Variants in LRP1B observed in about 807,000 individuals in gnomAD.
The protein encoded by LRP1B is low-density lipoprotein receptor-related protein 1B.
LRP1B carries 217 observed loss-of-function variants against 556.6 expected under a neutral mutation model. That is an observed-to-expected ratio of 0.39 (90% confidence interval 0.35 to 0.44). The LOEUF is 0.44. Among genes scored for constraint, LRP1B ranks in the 20% least tolerant of loss-of-function variants. LRP1B has a pLI of 1.00. For missense variants in LRP1B, 5,053 were observed against 5,620.8 expected (o/e 0.90, Z 3.23); for synonymous variants, 2,047 against 1,865.8 (o/e 1.10, Z -2.50).
intron 7 of LRP1B, among the ~76,000 whole-genome samples, chr2:141,128,799 T>C (rs1701280128): frequency 6.6e-6 from 1 of 152,108 alleles, no homozygotes; most frequent in Non-Finnish European, 1.5e-5. Context: ...ATAATGAAGA[T>C]TGTTTAACAA....
chr2:140,740,871 A>G (rs1402267227), intron 35 of LRP1B, among the ~76,000 whole-genome samples: 1 of 152,006 alleles, frequency 6.6e-6, no homozygotes, highest in Admixed American at 6.6e-5. Context: ...ATTAGGGCCT[A>G]CCCACATGAC....
At chr2:140,652,004 A>G (rs1684705977) in intron 41 of LRP1B, among the ~76,000 whole-genome samples, 1 of 152,188 alleles carries the variant, frequency 6.6e-6, no homozygotes, top group Non-Finnish European at 1.5e-5. Flanking sequence ...ATATTAGAAA[A>G]TTGCCTGATA....
intron 58 of LRP1B, among the ~76,000 whole-genome samples, chr2:140,486,512 A>AATGG (rs1255176205): frequency 1.3e-5 from 2 of 151,956 alleles, no homozygotes; most frequent in Non-Finnish European, 1.5e-5. Context: ...AACCTTATGT[A>AATGG]AATAGGTGAT....
chr2:141,935,683 G>A lies in LRP1B; in HGVS notation c.83-125282C>T, dbSNP rs140355969. On this transcript the variant is annotated intron_variant, in intron 1 of 90. Transcript: ENST00000389484. Reference sequence around the variant, plus strand: ...ATTTTAAGAAAACATCTAGCTGCTCGCTATCAATAGGAGACATTTCTAAAG... The same window carrying A: ...ATTTTAAGAAAACATCTAGCTGCTCACTATCAATAGGAGACATTTCTAAAG... Among the ~76,000 whole-genome samples the A allele has an allele frequency of 5.3e-5, 8 of 152,252 alleles. 1 individual carries two copies. The highest frequency in any genetic ancestry group is 2.4e-5 in the African/African-American group (1 of 41,546).
intron 2 of LRP1B, among the ~76,000 whole-genome samples, chr2:141,584,268 T>G (rs568144348): frequency 6.6e-6 from 1 of 151,696 alleles, no homozygotes; most frequent in African/African-American, 2.4e-5. Flanking sequence ...AAAAAGAAGA[T>G]AATTTTTTCA....
At chr2:142,114,381 T>A (rs753314820) in intron 1 of LRP1B, among the ~76,000 whole-genome samples, 1 of 152,072 alleles carries the variant, frequency 6.6e-6, no homozygotes, top group Non-Finnish European at 1.5e-5. Flanking sequence ...AAAATTAAAG[T>A]ATTGAACAGT....
At chr2:141,794,586 C>CATATATAT (rs1695738295) in intron 2 of LRP1B, among the ~76,000 whole-genome samples, 1 of 151,818 alleles carries the variant, frequency 6.6e-6, no homozygotes, top group African/African-American at 2.4e-5. Flanking sequence ...CTTTGATCAC[C>CATATATAT]ATATGTGATA....
chr2:140,459,684 T>C (rs1351176631), intron 60 of LRP1B, among the ~76,000 whole-genome samples: 8 of 152,136 alleles, frequency 5.3e-5, no homozygotes, highest in Non-Finnish European at 8.8e-5. Flanking sequence ...AAAAACTCTA[T>C]TGTGCAGTAG....
intron 6 of LRP1B, among the ~76,000 whole-genome samples, chr2:141,226,052 G>T (rs777435739): frequency 2.6e-5 from 4 of 151,828 alleles, no homozygotes; most frequent in African/African-American, 7.3e-5. Flanking sequence ...TATAAAGTCT[G>T]ACCCAAATGC....
intron 3 of LRP1B, among the ~76,000 whole-genome samples, chr2:141,340,021 TGA>T (rs775557637): frequency 3.7e-4 from 57 of 152,264 alleles, no homozygotes; most frequent in Non-Finnish European, 7.9e-4. Context: ...CACTTAGAAG[TGA>T]GAGAGACATA....
At chr2:140,385,592 A>G (rs938734895) in intron 67 of LRP1B, among the ~76,000 whole-genome samples, 1 of 152,210 alleles carries the variant, frequency 6.6e-6, no homozygotes, top group African/African-American at 2.4e-5. Flanking sequence ...CATTCAGCTC[A>G]TTGTGTGAAC....
chr2:141,990,383 T>C (rs1349780827), intron 1 of LRP1B, among the ~76,000 whole-genome samples: 5 of 152,128 alleles, frequency 3.3e-5, no homozygotes, highest in African/African-American at 1.2e-4. Context: ...TACATTGGAA[T>C]TAAATCAGCT....
intron 3 of LRP1B, among the ~76,000 whole-genome samples, chr2:141,470,629 T>C (rs1682426139): frequency 6.6e-6 from 1 of 152,182 alleles, no homozygotes; most frequent in Non-Finnish European, 1.5e-5. Context: ...GCTTTCCAGC[T>C]GATTTCCAGT....
chr2:142,019,995 C>T (rs931440378), intron 1 of LRP1B, among the ~76,000 whole-genome samples: 3 of 152,206 alleles, frequency 2.0e-5, no homozygotes, highest in African/African-American at 7.2e-5. Flanking sequence ...GCCATGAACT[C>T]TGTCTAAAAT....
At chr2:141,106,946 GT>G (rs1700619107) in intron 7 of LRP1B, among the ~76,000 whole-genome samples, 1 of 151,740 alleles carries the variant, frequency 6.6e-6, no homozygotes, top group African/African-American at 2.4e-5. Flanking sequence ...AATGAGAGTT[GT>G]TTTGTGAATT....
chr2:141,066,825 G>T (rs1039084182), intron 7 of LRP1B, among the ~76,000 whole-genome samples: 1 of 151,738 alleles, frequency 6.6e-6, no homozygotes, highest in African/African-American at 2.4e-5. Context: ...AAAAAACAAG[G>T]TATTTTACGT....
At chr2:142,029,595 G>A (rs1035022465) in intron 1 of LRP1B, among the ~76,000 whole-genome samples, 3 of 151,894 alleles carry the variant, frequency 2.0e-5, no homozygotes, top group Non-Finnish European at 2.9e-5. Context: ...TACTAAAAAA[G>A]TGGGACAACA....
At chr2:140,941,531 C>T (rs1695402098) in intron 20 of LRP1B, among the ~76,000 whole-genome samples, 1 of 152,106 alleles carries the variant, frequency 6.6e-6, no homozygotes, top group African/African-American at 2.4e-5. Context: ...CATGAGAGCA[C>T]CTATGTAAAA....
chr2:141,646,065 G>T (rs886647428), intron 2 of LRP1B, among the ~76,000 whole-genome samples: 3 of 152,056 alleles, frequency 2.0e-5, no homozygotes, highest in African/African-American at 4.8e-5. Context: ...TTTTGTTTGT[G>T]CTGATATCTT....
Sources: gnomAD v4.1 joint callset for allele counts (sites outside exome capture counted in the v4.1 genomes callset) on GRCh38, gnomAD v4.1.1 for gene constraint, MANE v1.5 for transcripts, NCBI Gene and HGNC (gene_info 2026-07-23, HGNC 2026-07-21) for gene names.